Variants in CACNB2 observed in about 807,000 individuals in gnomAD.
The protein encoded by CACNB2 is calcium voltage-gated channel auxiliary subunit beta 2, also known as voltage-dependent L-type calcium channel subunit beta-2.
Under a neutral mutation model 73.3 loss-of-function variants are expected in CACNB2, and 42 were observed. The observed-to-expected ratio is 0.57, with a 90% CI of 0.45 to 0.74. The LOEUF is 0.74. Among genes scored for constraint, CACNB2 ranks in the 30% least tolerant of loss-of-function variants. The pLI, the probability that CACNB2 is intolerant of heterozygous loss-of-function variation, is 0.00. For missense variants in CACNB2, 940 were observed against 853.0 expected (o/e 1.10, Z -1.27); for synonymous variants, 348 against 310.3 (o/e 1.12, Z -1.28).
At chr10:18,353,770 C>G (rs1306141921) in intron 2 of CACNB2, among the ~76,000 whole-genome samples, 1 of 152,180 alleles carries the variant, frequency 6.6e-6, no homozygotes, top group African/African-American at 2.4e-5. Flanking sequence ...TTATACTGCT[C>G]TATGGCAGCT....
intron 2 of CACNB2, among the ~76,000 whole-genome samples, chr10:18,359,123 T>C (rs1743608826): frequency 6.6e-6 from 1 of 152,096 alleles, no homozygotes; most frequent in Admixed American, 6.6e-5. Flanking sequence ...CTTTTTTTTT[T>C]AACTTCTACG....
chr10:18,385,374 C>G (rs557330279), intron 2 of CACNB2, among the ~76,000 whole-genome samples: 1 of 49,066 alleles, frequency 2.0e-5, no homozygotes, highest in African/African-American at 7.6e-5. Flanking sequence ...ACCCCCCCCC[C>G]TCGCCCCCCA....
intron 3 of CACNB2, among the ~76,000 whole-genome samples, chr10:18,402,402 AAAAC>A (rs1258491898): frequency 2.6e-5 from 4 of 151,628 alleles, no homozygotes; most frequent in Non-Finnish European, 5.9e-5. Flanking sequence ...AAAAAAAAAA[AAAAC>A]AGACTGACTT....
intron 2 of CACNB2, chr10:18,238,616 T>A (rs1194823329): frequency 6.6e-6 from 1 of 152,230 alleles, no homozygotes; most frequent in Admixed American, 6.5e-5. Flanking sequence ...TAAGTTGCTT[T>A]AAATAGTATA....
At chr10:18,423,037 T>TTC (rs1357144261) in intron 3 of CACNB2, among the ~76,000 whole-genome samples, 2 of 152,218 alleles carry the variant, frequency 1.3e-5, no homozygotes, top group Admixed American at 1.3e-4. Context: ...GCATAATAAA[T>TTC]ATGTGTGGAC....
At chr10:18,425,733 T>C (rs944860836) in intron 3 of CACNB2, among the ~76,000 whole-genome samples, 13 of 152,210 alleles carry the variant, frequency 8.5e-5, no homozygotes, top group Admixed American at 8.5e-4. Flanking sequence ...AAAGAATTCT[T>C]CTATCTTTAT....
Position 18,541,006 on chromosome 10 carries a change from G to GGAAAT in CACNB2, c.*1284_*1288dup, listed in dbSNP as rs772684805. 6.6e-6 allele frequency: 1 copy of GGAAAT among 152,258 alleles called. No individual in the cohort carries two copies. The highest frequency in any genetic ancestry group is 1.5e-5 in the Non-Finnish European group (1 of 67,994). 9.4% of individuals were successfully genotyped at this position (152,258 alleles called of 1,614,324 possible). On this transcript the variant is annotated 3_prime_UTR_variant, in exon 14 of 14. Transcript: ENST00000324631. ...GCAATTTTACTGTGAGTGTTTCACT[G>GGAAAT]GAAATGTACAATCTTTGTGTGTTAG...
intron 2 of CACNB2, chr10:18,400,666 C>A: frequency 1.4e-5 from 12 of 846,820 alleles, no homozygotes; most frequent in African/African-American, 2.4e-5. Context: ...TTCTGCGATT[C>A]TTTTACAACT....
intron 2 of CACNB2, among the ~76,000 whole-genome samples, chr10:18,393,146 T>C (rs532935344): frequency 2.3e-4 from 34 of 150,996 alleles, no homozygotes; most frequent in Non-Finnish European, 4.3e-4. Context: ...GAAGCGGAGA[T>C]TGCAGTGAGC....
At chr10:18,267,854 C>T (rs2037880528) in intron 2 of CACNB2, among the ~76,000 whole-genome samples, 1 of 152,200 alleles carries the variant, frequency 6.6e-6, no homozygotes, top group Non-Finnish European at 1.5e-5. Flanking sequence ...GTGTGAATGA[C>T]ACTTCCGGGG....
intron 2 of CACNB2, among the ~76,000 whole-genome samples, chr10:18,396,428 A>C: frequency 6.6e-6 from 1 of 152,248 alleles, no homozygotes; most frequent in East Asian, 1.9e-4. Flanking sequence ...AATACAAGAT[A>C]GAACCCTTTC....
chr10:18,514,232 A>G lies in CACNB2; in HGVS notation c.671-4A>G, dbSNP rs1479958358. ...CACCTGATTTTTGAATTGTCTGTATATAGCTATAGACATAGATGCTACTGG... is the reference window on the plus strand; with the variant it reads ...CACCTGATTTTTGAATTGTCTGTATGTAGCTATAGACATAGATGCTACTGG... On this transcript the variant is annotated splice_polypyrimidine_tract_variant and splice_region_variant and intron_variant, in intron 6 of 13. Coordinates refer to ENST00000324631, the MANE Select transcript of CACNB2 (RefSeq NM_201596.3). 3.7e-6 allele frequency: 6 copies of G among 1,613,858 alleles called. No individual in the cohort carries two copies. The Admixed American group carries it at 1.0e-4, about 27-fold the overall frequency.
intron 2 of CACNB2, among the ~76,000 whole-genome samples, chr10:18,207,191 TAG>T (rs1476666220): frequency 1.3e-5 from 2 of 152,076 alleles, no homozygotes; most frequent in Non-Finnish European, 2.9e-5. Flanking sequence ...GTAGTTTTGG[TAG>T]AGACAGGGTT....
chr10:18,469,940 T>C (rs1453603288), intron 3 of CACNB2, among the ~76,000 whole-genome samples: 9 of 152,192 alleles, frequency 5.9e-5, no homozygotes, highest in African/African-American at 2.2e-4. Context: ...TTAAGAGTCC[T>C]GGTTCTATTC....
chr10:18,394,539 G>A (rs144164290), intron 2 of CACNB2, among the ~76,000 whole-genome samples: 1 of 152,264 alleles, frequency 6.6e-6, no homozygotes, highest in Non-Finnish European at 1.5e-5. Context: ...GATCCAATTT[G>A]TTATATACTC....
At chr10:18,380,699 C>T (rs1413430578) in intron 2 of CACNB2, among the ~76,000 whole-genome samples, 1 of 151,920 alleles carries the variant, frequency 6.6e-6, no homozygotes, top group Non-Finnish European at 1.5e-5. Context: ...AGGTGATCTG[C>T]CCACCTCAGC....
intron 3 of CACNB2, among the ~76,000 whole-genome samples, chr10:18,456,478 A>G (rs2047286574): frequency 6.6e-6 from 1 of 152,106 alleles, no homozygotes; most frequent in Non-Finnish European, 1.5e-5. Flanking sequence ...AAATAAAATA[A>G]ACAACCAGTT....
chr10:18,495,591 G>GTGTGTGTGTGTGTA (rs768160446), intron 3 of CACNB2, among the ~76,000 whole-genome samples: 111 of 138,722 alleles, frequency 8.0e-4, no homozygotes, highest in Non-Finnish European at 1.2e-3. Flanking sequence ...GTGTGTGTGT[G>GTGTGTGTGTGTGTA]TATAAGAGAT....
At chr10:18,504,656 T>A (rs1564627443) in intron 5 of CACNB2, among the ~76,000 whole-genome samples, 1 of 152,160 alleles carries the variant, frequency 6.6e-6, no homozygotes, top group Non-Finnish European at 1.5e-5. Context: ...TGTGTGTGCG[T>A]GTGTGTGAGA....
Sources: allele counts gnomAD v4.1 joint callset (sites outside exome capture counted in the v4.1 genomes callset), GRCh38; gene constraint gnomAD v4.1.1; transcripts MANE v1.5; gene names NCBI Gene and HGNC (gene_info 2026-07-23, HGNC 2026-07-21).